The following ARHGAP42 variants were observed in gnomAD, a reference collection of about 807,000 sequenced individuals.
ARHGAP42 encodes the protein rho GTPase-activating protein 42.
ARHGAP42 carries 63 observed loss-of-function variants against 125.0 expected under a neutral mutation model. The observed-to-expected ratio is 0.50, with a 90% confidence interval of 0.41 to 0.62. The LOEUF (loss-of-function observed/expected upper bound fraction) is 0.62, where lower values mean the gene tolerates loss of function less well. ARHGAP42 is among the 20% of genes least tolerant of loss of function. The pLI, the probability that ARHGAP42 is intolerant of heterozygous loss-of-function variation, is 0.00. For synonymous variants in ARHGAP42, 339 were observed against 351.0 expected (o/e 0.97, Z 0.38); for missense variants, 766 against 1,024.2 (o/e 0.75, Z 3.44).
chr11:100,907,522 T>C (rs1866772449), intron 4 of ARHGAP42, among the ~76,000 whole-genome samples: 1 of 151,436 alleles, frequency 6.6e-6, no homozygotes, highest in African/African-American at 2.4e-5. Context: ...GATGGGGGAG[T>C]TGGTGGAGAA....
intron 4 of ARHGAP42, among the ~76,000 whole-genome samples, chr11:100,898,022 C>T (rs1305751886): frequency 1.3e-5 from 2 of 152,052 alleles, no homozygotes; most frequent in Non-Finnish European, 2.9e-5. Flanking sequence ...CCCATCAATA[C>T]CTAGTTTATT....
intron 1 of ARHGAP42, among the ~76,000 whole-genome samples, chr11:100,762,732 T>C (rs1862736156): frequency 6.6e-6 from 1 of 152,178 alleles, no homozygotes; most frequent in Non-Finnish European, 1.5e-5. Context: ...CCCAGTATTC[T>C]TCTCTTCTGA....
chr11:100,832,679 C>T (rs191419975), intron 3 of ARHGAP42, among the ~76,000 whole-genome samples: 300 of 152,276 alleles, frequency 2.0e-3, no homozygotes, highest in African/African-American at 6.8e-3. Flanking sequence ...TATTATTTTT[C>T]ACAGGATATT....
intron 1 of ARHGAP42, among the ~76,000 whole-genome samples, chr11:100,769,238 C>T (rs1303834655): frequency 6.6e-6 from 1 of 152,108 alleles, no homozygotes; most frequent in Non-Finnish European, 1.5e-5. Context: ...TTATGTGGTG[C>T]TTGACTGTGT....
At chr11:100,824,507 G>C (rs1210194493) in intron 3 of ARHGAP42, among the ~76,000 whole-genome samples, 1 of 152,112 alleles carries the variant, frequency 6.6e-6, no homozygotes, top group Non-Finnish European at 1.5e-5. Flanking sequence ...CTTCTACACT[G>C]GAGTCCCGAA....
At chr11:100,711,847 G>T (rs936044305) in intron 1 of ARHGAP42, among the ~76,000 whole-genome samples, 1 of 152,110 alleles carries the variant, frequency 6.6e-6, no homozygotes, top group Admixed American at 6.5e-5. Flanking sequence ...CCTTTACCAG[G>T]AGTCAAAGAA....
chr11:100,882,150 G>A (rs941375634), intron 4 of ARHGAP42, among the ~76,000 whole-genome samples: 6 of 152,138 alleles, frequency 3.9e-5, no homozygotes, highest in Non-Finnish European at 8.8e-5. Context: ...TGGTGACAGT[G>A]GGCATCCTTG....
intron 3 of ARHGAP42, among the ~76,000 whole-genome samples, chr11:100,804,241 C>T (rs898097633): frequency 4.6e-5 from 7 of 152,096 alleles, no homozygotes; most frequent in South Asian, 2.1e-4. Flanking sequence ...GATTTCACCT[C>T]GGCCTCTCAA....
intron 2 of ARHGAP42, among the ~76,000 whole-genome samples, chr11:100,791,722 T>C (rs116528813): frequency 0.014 from 2,134 of 151,926 alleles, 52 homozygotes; most frequent in African/African-American, 0.049. Flanking sequence ...TGTTGTCAGA[T>C]TGGGGCCAGT....
chr11:100,779,551 C>CGTATAT (rs747888545), intron 2 of ARHGAP42, among the ~76,000 whole-genome samples: 31 of 126,906 alleles, frequency 2.4e-4, no homozygotes, highest in African/African-American at 9.6e-4. Flanking sequence ...TATATATATA[C>CGTATAT]ATATACATAC....
intron 1 of ARHGAP42, among the ~76,000 whole-genome samples, chr11:100,742,420 C>T (rs1862209160): frequency 6.6e-6 from 1 of 152,030 alleles, no homozygotes; most frequent in African/African-American, 2.4e-5. Flanking sequence ...GAGGTTTCTA[C>T]TTTTCAAGGT....
intron 4 of ARHGAP42, among the ~76,000 whole-genome samples, chr11:100,876,976 T>C (rs1016649848): frequency 2.0e-5 from 3 of 152,198 alleles, no homozygotes; most frequent in Non-Finnish European, 2.9e-5. Flanking sequence ...CCTCTACAAT[T>C]ACTGTAGAAA....
At chr11:100,720,353 G>A (rs1242956617) in intron 1 of ARHGAP42, among the ~76,000 whole-genome samples, 1 of 152,176 alleles carries the variant, frequency 6.6e-6, no homozygotes, top group Non-Finnish European at 1.5e-5. Context: ...AATGATTGTT[G>A]ATAATGTTGG....
At chr11:100,956,936 C>T (rs577814043) in intron 12 of ARHGAP42, among the ~76,000 whole-genome samples, 19 of 152,086 alleles carry the variant, frequency 1.2e-4, no homozygotes, top group East Asian at 5.8e-4. Flanking sequence ...TTTAGCCCTG[C>T]AGGAAGGATG....
intron 4 of ARHGAP42, among the ~76,000 whole-genome samples, chr11:100,907,218 T>G: frequency 6.6e-6 from 1 of 152,244 alleles, no homozygotes; most frequent in East Asian, 1.9e-4. Flanking sequence ...AATTTGTTTG[T>G]CTCCAATAAT....
At chr11:100,887,293 C>A (rs1866114737) in intron 4 of ARHGAP42, among the ~76,000 whole-genome samples, 1 of 152,094 alleles carries the variant, frequency 6.6e-6, no homozygotes, top group Non-Finnish European at 1.5e-5. Context: ...TGCTCTTGAA[C>A]TGTTCAGTCC....
At chr11:100,863,556 T>C (rs904681615) in intron 4 of ARHGAP42, among the ~76,000 whole-genome samples, 2 of 152,226 alleles carry the variant, frequency 1.3e-5, no homozygotes, top group African/African-American at 4.8e-5. Flanking sequence ...AGGCTCTTGG[T>C]AAGTTACAGT....
At chr11:100,775,174 C>A (rs1232519038) in intron 2 of ARHGAP42, among the ~76,000 whole-genome samples, 1 of 152,164 alleles carries the variant, frequency 6.6e-6, no homozygotes, top group East Asian at 1.9e-4. Flanking sequence ...CCTATTGAGT[C>A]CATCCACATA....
chr11:100,848,912 C>T (rs1865135425), intron 3 of ARHGAP42, among the ~76,000 whole-genome samples: 1 of 152,172 alleles, frequency 6.6e-6, no homozygotes, highest in Non-Finnish European at 1.5e-5. Flanking sequence ...ACCTTATTAT[C>T]TGATTGTACG....
Sources: gnomAD v4.1 joint callset for allele counts (sites outside exome capture counted in the v4.1 genomes callset) on GRCh38, gnomAD v4.1.1 for gene constraint, MANE v1.5 for transcripts, NCBI Gene and HGNC (gene_info 2026-07-23, HGNC 2026-07-21) for gene names.